Variants in PCDHA3 observed in about 807,000 individuals in gnomAD.
The protein encoded by PCDHA3 is protocadherin alpha-3.
In PCDHA3, 41 loss-of-function variants were observed where a neutral mutation model predicts 62.2. That is an observed-to-expected ratio of 0.66 (90% CI 0.51 to 0.86). PCDHA3 has a LOEUF of 0.86. Ranked by LOEUF, PCDHA3 falls within the 40% of genes least tolerant of loss-of-function variation. The pLI, the probability that PCDHA3 is intolerant of heterozygous loss-of-function variation, is 0.00. For missense variants in PCDHA3, 1,304 were observed against 1,241.2 expected (o/e 1.05, Z -0.76); for synonymous variants, 640 against 555.4 (o/e 1.15, Z -2.14).
chr5:140,918,003 T>A (rs1223893662), intron 1 of PCDHA3, among the ~76,000 whole-genome samples: 1 of 152,216 alleles, frequency 6.6e-6, no homozygotes, highest in African/African-American at 2.4e-5. Flanking sequence ...ATCTTAACAA[T>A]GTTGTTTCTT....
chr5:140,903,146 C>A (rs2070035349), intron 1 of PCDHA3, among the ~76,000 whole-genome samples: 1 of 152,178 alleles, frequency 6.6e-6, no homozygotes, highest in South Asian at 2.1e-4. Flanking sequence ...AAACTGTTTT[C>A]CATAGTGGTT....
At chr5:140,822,804 T>C (rs558794478) in intron 1 of PCDHA3, 2 of 1,614,204 alleles carry the variant, frequency 1.2e-6, no homozygotes, top group Non-Finnish European at 1.7e-6. Flanking sequence ...TGGATGTGAA[T>C]GATAATACCC....
chr5:140,841,820 GT>G (rs2150323567), intron 1 of PCDHA3: 1 of 1,613,910 alleles, frequency 6.2e-7, no homozygotes, highest in Non-Finnish European at 8.5e-7. Context: ...AGCTAACTCC[GT>G]GTTAACCTAC....
At position 140,992,017 on chromosome 5, in the gene PCDHA3, CTGTGTGTG is replaced by C. The variant is rs10602499; in HGVS notation, c.2542+9484_2542+9491del. On this transcript the variant is annotated intron_variant, in intron 3 of 3. Coordinates refer to ENST00000522353, the MANE Select transcript of PCDHA3 (RefSeq NM_018906.3). ...CTTTCATGTTCAGGCAGAGGTGGCT[CTGTGTGTG>C]TGTGTGTGTGTGTGTGTGTGTGTGT... Among the ~76,000 whole-genome samples the C allele has an allele frequency of 9.8e-4, 142 of 145,616 alleles. No homozygotes were observed. The East Asian group carries it at 1.0e-2, about 10-fold the overall frequency.
chr5:140,809,507 C>T (rs1288901774), intron 1 of PCDHA3: 2 of 1,614,192 alleles, frequency 1.2e-6, no homozygotes, highest in Non-Finnish European at 1.7e-6. Context: ...GGCCTTCAGC[C>T]CCAGTTTACC....
intron 1 of PCDHA3, chr5:140,835,483 C>G: frequency 3.1e-6 from 5 of 1,613,956 alleles, no homozygotes; most frequent in Non-Finnish European, 4.2e-6. Context: ...CAACCAGGTA[C>G]CGTCATCACA....
At chr5:140,993,407 C>T (rs2097554546) in intron 3 of PCDHA3, among the ~76,000 whole-genome samples, 1 of 151,550 alleles carries the variant, frequency 6.6e-6, no homozygotes, top group African/African-American at 2.4e-5. Context: ...TAACCACCTT[C>T]ATCAGCATTT....
At chr5:140,967,109 C>T in intron 1 of PCDHA3, 1 of 1,612,966 alleles carries the variant, frequency 6.2e-7, no homozygotes, top group Non-Finnish European at 8.5e-7. Flanking sequence ...TGAGCAGCGG[C>T]CTCGCTGCCT....
At chr5:140,895,341 T>C (rs996566433) in intron 1 of PCDHA3, among the ~76,000 whole-genome samples, 5 of 152,186 alleles carry the variant, frequency 3.3e-5, no homozygotes, top group African/African-American at 1.2e-4. Flanking sequence ...TGTTTTACTA[T>C]GCTTTCCAGT....
chr5:140,842,233 T>C (rs2150332327), intron 1 of PCDHA3: 1 of 1,612,914 alleles, frequency 6.2e-7, no homozygotes, highest in Admixed American at 1.7e-5. Context: ...AAATAGTGAT[T>C]CGGGGTAATT....
chr5:140,883,294 T>A (rs782475623), intron 1 of PCDHA3: 6 of 1,613,956 alleles, frequency 3.7e-6, no homozygotes, highest in Non-Finnish European at 4.2e-6. Context: ...AAGTACTAGA[T>A]GTAAATGATA....
intron 3 of PCDHA3, among the ~76,000 whole-genome samples, chr5:140,997,684 G>A (rs2097780776): frequency 6.6e-6 from 1 of 152,116 alleles, no homozygotes; most frequent in African/African-American, 2.4e-5. Context: ...GTGTGTGTGT[G>A]TGTGTGTGTG....
chr5:140,869,788 T>A (rs782425741), intron 1 of PCDHA3: 1 of 1,612,892 alleles, frequency 6.2e-7, no homozygotes, highest in East Asian at 2.2e-5. Flanking sequence ...CGTTCGGCTG[T>A]TAGTCCAAGT....
chr5:140,829,223 G>C (rs1259859685), intron 1 of PCDHA3: 1 of 1,614,124 alleles, frequency 6.2e-7, no homozygotes, highest in Non-Finnish European at 8.5e-7. Context: ...GAACGACCTC[G>C]ATTCAGGTGC....
intron 1 of PCDHA3, among the ~76,000 whole-genome samples, chr5:140,961,914 C>T (rs192184): frequency 0.56 from 84,843 of 150,390 alleles, 24,472 homozygotes; most frequent in African/African-American, 0.69. Context: ...GATGGAGTCT[C>T]GCTCTGTTGC....
rs1338866234 is a variant in PCDHA3 at position 141,009,892 on chromosome 5, GAA to G, written c.2813_2814del (p.Lys938ArgfsTer8). ...AGAAGAAGGGTAACAAGACCCAGGA[GAA>G]AAAAGAGAAAGGGAACAGCACGACT... ...KKKKGNKTQE[K>X]KEKGNSTTDN... On this transcript the variant is annotated frameshift_variant, in exon 4 of 4. Coordinates refer to ENST00000522353, the MANE Select transcript of PCDHA3 (RefSeq NM_018906.3). LOFTEE classifies it high-confidence loss of function. The G allele has an allele frequency of 3.7e-6, 6 of 1,612,022 alleles. No individual in the cohort carries two copies. The Admixed American group carries it at 1.0e-4, about 27-fold the overall frequency.
intron 1 of PCDHA3, chr5:140,808,476 G>A (rs1554124581): frequency 1.2e-6 from 2 of 1,614,176 alleles, no homozygotes; most frequent in South Asian, 2.2e-5. Flanking sequence ...GCGCGAGACG[G>A]GGGCTCGCCT....
intron 1 of PCDHA3, chr5:140,868,839 C>T (rs1442886604): frequency 4.6e-6 from 2 of 432,190 alleles, no homozygotes; most frequent in East Asian, 3.8e-5. Flanking sequence ...ACCCAAAACA[C>T]GTGAAATTCT....
At position 140,982,438 on chromosome 5, in the gene PCDHA3, T is replaced by C. The variant is rs782761318; in HGVS notation, c.2454-37T>C. On this transcript the variant is annotated intron_variant, in intron 2 of 3. Coordinates refer to ENST00000522353, the MANE Select transcript of PCDHA3 (RefSeq NM_018906.3). ...GGAAGAAGAGATGGGAAAGAATTTA[T>C]GATCTAACCGTTATCTGGGTCTGTG... is the stretch of plus-strand genomic sequence containing the variant. The C allele has an allele frequency of 3.1e-6, 5 of 1,611,448 alleles. No individual in the cohort carries two copies. The South Asian group carries it at 5.5e-5, about 18-fold the overall frequency.
Sources: allele counts gnomAD v4.1 joint callset (sites outside exome capture counted in the v4.1 genomes callset), GRCh38; gene constraint gnomAD v4.1.1; transcripts MANE v1.5; gene names NCBI Gene and HGNC (gene_info 2026-07-23, HGNC 2026-07-21).